The following FAM241A variants were observed in gnomAD, a reference collection of about 807,000 sequenced individuals.
FAM241A encodes uncharacterized protein FAM241A.
FAM241A carries 7 observed loss-of-function variants against 12.2 expected under a neutral mutation model. The observed-to-expected ratio is 0.58, with a 90% CI of 0.33 to 1.08. The LOEUF (loss-of-function observed/expected upper bound fraction) is 1.08, where lower values mean the gene tolerates loss of function less well. Among genes scored for constraint, FAM241A ranks in the 50% least tolerant of loss-of-function variants. The pLI is 0.04. For synonymous variants in FAM241A, 74 were observed against 68.2 expected, an observed-to-expected ratio of 1.08 and a Z score of -0.42; for missense variants, 161 against 169.7, an observed-to-expected ratio of 0.95 and a Z score of 0.29.
intron 1 of FAM241A, among the ~76,000 whole-genome samples, chr4:112,183,150 T>G (rs566909989): frequency 3.9e-5 from 6 of 152,168 alleles, no homozygotes; most frequent in Non-Finnish European, 8.8e-5. Context: ...ACTTTTTTCT[T>G]CTTCATCAGA....
At chr4:112,153,660 G>A (rs1405473558) in intron 1 of FAM241A, among the ~76,000 whole-genome samples, 7 of 151,932 alleles carry the variant, frequency 4.6e-5, no homozygotes, top group Non-Finnish European at 7.4e-5. Flanking sequence ...TGTTTCCCCC[G>A]GCACCGCCCC....
chr4:112,168,466 T>C (rs1723646145), intron 1 of FAM241A, among the ~76,000 whole-genome samples: 1 of 152,198 alleles, frequency 6.6e-6, no homozygotes, highest in African/African-American at 2.4e-5. Context: ...AACAAGAAGC[T>C]GTTATTGTAC....
intron 1 of FAM241A, among the ~76,000 whole-genome samples, chr4:112,171,711 T>C (rs952618916): frequency 6.6e-6 from 1 of 151,976 alleles, no homozygotes; most frequent in Admixed American, 6.6e-5. Context: ...TATAAAAAAT[T>C]AGCCAGGCAT....
chr4:112,163,550 A>C (rs960168640), intron 1 of FAM241A, among the ~76,000 whole-genome samples: 1 of 152,252 alleles, frequency 6.6e-6, no homozygotes, highest in Non-Finnish European at 1.5e-5. Context: ...GCCAAAAGAC[A>C]CATGAAAAAA....
Position 112,193,585 on chromosome 4 carries a change from C to A in FAM241A, c.*6647C>A, listed in dbSNP as rs938232499. The A allele has an allele frequency of 6.6e-5, 10 of 152,208 alleles. No individual in the cohort carries two copies. The highest frequency in any genetic ancestry group is 1.3e-4 in the Non-Finnish European group (9 of 68,046). 9.4% of individuals were successfully genotyped at this position (152,208 alleles called of 1,614,324 possible). ...ACATATGGCTAGCCAGTTTTCCCAG[C>A]ACCATTTATTCAATAGGGAATCCTT... On this transcript the variant is annotated 3_prime_UTR_variant, in exon 2 of 2. Transcript: ENST00000309733.
chr4:112,168,184 T>C (rs1026227071), intron 1 of FAM241A, among the ~76,000 whole-genome samples: 4 of 152,172 alleles, frequency 2.6e-5, no homozygotes, highest in Admixed American at 6.6e-5. Flanking sequence ...ATAAGGTGAC[T>C]TTATGTAGAT....
chr4:112,154,234 T>C (rs1053925820), intron 1 of FAM241A, among the ~76,000 whole-genome samples: 2 of 152,276 alleles, frequency 1.3e-5, no homozygotes, highest in South Asian at 2.1e-4. Context: ...ACTACTTTTT[T>C]CCCCTAAGTT....
intron 1 of FAM241A, among the ~76,000 whole-genome samples, chr4:112,158,772 T>C (rs1226616940): frequency 6.6e-6 from 1 of 152,206 alleles, no homozygotes; most frequent in Non-Finnish European, 1.5e-5. Flanking sequence ...ACATGCATTG[T>C]ATAATGATGA....
chr4:112,183,818 G>A (rs1723989799), intron 1 of FAM241A, among the ~76,000 whole-genome samples: 2 of 152,108 alleles, frequency 1.3e-5, no homozygotes, highest in African/African-American at 2.4e-5. Flanking sequence ...ATACTAAATC[G>A]AGGACTCTTC....
At chr4:112,184,835 A>G (rs1724008360) in intron 1 of FAM241A, among the ~76,000 whole-genome samples, 1 of 152,216 alleles carries the variant, frequency 6.6e-6, no homozygotes, top group Non-Finnish European at 1.5e-5. Flanking sequence ...CATTTCTTTA[A>G]TGAAAAAAAT....
At position 112,187,533 on chromosome 4, in the gene FAM241A, ATATT is replaced by A. The variant is rs1724071125; in HGVS notation, c.*600_*603del. ...ACGTTTTCTAAAGGTCAAAAATAAT[ATATT>A]TATTATTACTGGGGAAAGCTCCCAG... On this transcript the variant is annotated 3_prime_UTR_variant, in exon 2 of 2. Coordinates refer to ENST00000309733, the MANE Select transcript of FAM241A (RefSeq NM_152400.3). The A allele has an allele frequency of 6.6e-6, 1 of 152,580 alleles. No individual in the cohort carries two copies. Among genetic ancestry groups the A allele is most frequent in the African/African-American group, 2.4e-5 (1 of 41,448 alleles). The allele number at this position is 152,580 out of a possible 1,614,324, so 9.5% of individuals were successfully genotyped here.
rs548982044 is a variant in FAM241A, at chr4:112,174,751, C to T, written c.154-11942C>T. Among the ~76,000 whole-genome samples, 3 of 152,290 alleles carry T rather than the reference C, an allele frequency of 2.0e-5. 1 individual carries two copies. Among genetic ancestry groups the T allele is most frequent in the South Asian group, 2.1e-4 (1 of 4,828 alleles). On this transcript the variant is annotated intron_variant, in intron 1 of 1. Transcript: ENST00000309733. ...TCTCAGGAGCAATTATGGTAGGATA[C>T]GGGGTAGACTTGAAAGCATTCTCCA...
At chr4:112,163,782 A>G (rs1241541930) in intron 1 of FAM241A, among the ~76,000 whole-genome samples, 1 of 152,218 alleles carries the variant, frequency 6.6e-6, no homozygotes, top group Non-Finnish European at 1.5e-5. Context: ...AACTAGAAAT[A>G]CCATTTGACC....
At chr4:112,162,981 A>G (rs1723509742) in intron 1 of FAM241A, among the ~76,000 whole-genome samples, 1 of 152,230 alleles carries the variant, frequency 6.6e-6, no homozygotes, top group African/African-American at 2.4e-5. Context: ...ATGGAACAGA[A>G]CAGAGCCCTC....
chr4:112,184,176 C>T (rs749907282), intron 1 of FAM241A, among the ~76,000 whole-genome samples: 1 of 152,206 alleles, frequency 6.6e-6, no homozygotes, highest in African/African-American at 2.4e-5. Context: ...AACTCTACAA[C>T]ATTTTGTTCT....
At chr4:112,146,861 A>G (rs569504621) in intron 1 of FAM241A, among the ~76,000 whole-genome samples, 1 of 152,360 alleles carries the variant, frequency 6.6e-6, no homozygotes, top group South Asian at 2.1e-4. Context: ...CTGTGACAAT[A>G]TAAGAGAAAG....
intron 1 of FAM241A, among the ~76,000 whole-genome samples, chr4:112,154,366 C>T (rs1327025630): frequency 6.6e-6 from 1 of 152,166 alleles, no homozygotes; most frequent in Non-Finnish European, 1.5e-5. Flanking sequence ...TTCCCAGGTT[C>T]AAGCAATTCT....
intron 1 of FAM241A, among the ~76,000 whole-genome samples, chr4:112,148,891 A>T (rs1578368241): frequency 6.6e-6 from 1 of 152,304 alleles, no homozygotes; most frequent in African/African-American, 2.4e-5. Context: ...TGTACAGGTC[A>T]CTCACAATCT....
intron 1 of FAM241A, among the ~76,000 whole-genome samples, chr4:112,161,541 A>C (rs1201281329): frequency 6.6e-6 from 1 of 152,218 alleles, no homozygotes; most frequent in East Asian, 1.9e-4. Flanking sequence ...CCACTACGCA[A>C]GTAAACTAGA....
Sources: gnomAD v4.1 joint callset for allele counts (sites outside exome capture counted in the v4.1 genomes callset) on GRCh38, gnomAD v4.1.1 for gene constraint, MANE v1.5 for transcripts, NCBI Gene and HGNC (gene_info 2026-07-23, HGNC 2026-07-21) for gene names.